KLHL6: variants seen among roughly 807,000 people sequenced by gnomAD.
The protein encoded by KLHL6 is kelch-like protein 6.
Under a neutral mutation model 58.6 loss-of-function variants are expected in KLHL6, and 41 were observed. The observed-to-expected ratio is 0.70, with a 90% CI of 0.55 to 0.91. KLHL6 has a LOEUF of 0.91. KLHL6 is among the 40% of genes least tolerant of loss of function. KLHL6 has a pLI of 0.00. For synonymous variants in KLHL6, 338 were observed against 322.7 expected, an observed-to-expected ratio of 1.05 and a Z score of -0.51; for missense variants, 714 against 805.6, an observed-to-expected ratio of 0.89 and a Z score of 1.38.
intron 1 of KLHL6, among the ~76,000 whole-genome samples, chr3:183,554,608 A>G (rs917225270): frequency 2.6e-5 from 4 of 152,216 alleles, no homozygotes; most frequent in Admixed American, 2.0e-4. Context: ...CTGCCTACAC[A>G]TAAAGAAGCC....
chr3:183,499,318 C>A lies in KLHL6; in HGVS notation c.1147+272G>T, dbSNP rs1278066171. Among the ~76,000 whole-genome samples, 1 of 151,720 alleles carries A rather than the reference C, an allele frequency of 6.6e-6. No individual in the cohort carries two copies. Among genetic ancestry groups the A allele is most frequent in the African/African-American group, 2.4e-5 (1 of 41,298 alleles). On this transcript the variant is annotated intron_variant, in intron 4 of 6. Transcript: ENST00000341319. The surrounding 1 kb of genome is among the most constrained non-coding windows in gnomAD (Gnocchi z 4.6). The stretch of plus-strand genomic sequence containing the variant: ...CCAAGATTGCGCCACTGCACTCCAG[C>A]CTGAGCAACAGAGCGAGACGCTGTC...
intron 2 of KLHL6, among the ~76,000 whole-genome samples, chr3:183,509,158 T>G (rs1005690159): frequency 1.3e-5 from 2 of 152,220 alleles, no homozygotes; most frequent in Admixed American, 6.5e-5. Context: ...TAAGACACAT[T>G]GACCAATTGC....
intron 1 of KLHL6, among the ~76,000 whole-genome samples, chr3:183,541,407 A>T (rs991043032): frequency 1.3e-5 from 2 of 152,202 alleles, no homozygotes; most frequent in Non-Finnish European, 2.9e-5. Context: ...GGCTACACGC[A>T]GGAGTGCACA....
rs1053552233 is a variant in KLHL6 at position 183,490,250 on chromosome 3, G to A, written c.*1677C>T. The A allele has an allele frequency of 4.1e-4, 63 of 152,306 alleles. 1 individual carries two copies. The highest frequency in any genetic ancestry group is 6.8e-3 in the Middle Eastern group (2 of 292). 9.4% of individuals were successfully genotyped at this position (152,306 alleles called of 1,614,324 possible). A position where few individuals can be genotyped will look rare whatever the true frequency, so the allele number is the denominator to read the frequency against. On this transcript the variant is annotated 3_prime_UTR_variant, in exon 7 of 7. Coordinates refer to ENST00000341319, the MANE Select transcript of KLHL6 (RefSeq NM_130446.4). ...TGAAAACGAAGGCTTCAGGAGGATG[G>A]GGTATCAGGAACGTGGACCTAAATC...
intron 2 of KLHL6, among the ~76,000 whole-genome samples, chr3:183,519,895 CAAAAAAAAA>C (rs56101517): frequency 2.0e-3 from 169 of 83,260 alleles, no homozygotes; most frequent in Middle Eastern, 0.016. Flanking sequence ...AACCCTGTCT[CAAAAAAAAA>C]AAAAAAAAAA....
intron 2 of KLHL6, among the ~76,000 whole-genome samples, chr3:183,524,057 G>A (rs919129358): frequency 2.6e-5 from 4 of 152,138 alleles, no homozygotes; most frequent in African/African-American, 9.6e-5. Flanking sequence ...CACTGTGCCC[G>A]GCCTCATGAG....
At chr3:183,509,814 G>T (rs1278547328) in intron 2 of KLHL6, among the ~76,000 whole-genome samples, 1 of 152,136 alleles carries the variant, frequency 6.6e-6, no homozygotes. Context: ...ACAGAAACAG[G>T]TCTCATGGGA....
intron 3 of KLHL6, among the ~76,000 whole-genome samples, chr3:183,505,057 G>A (rs748950661): frequency 9.2e-5 from 14 of 152,198 alleles, no homozygotes; most frequent in Non-Finnish European, 1.6e-4. Context: ...CTATGGCTGT[G>A]TAGTATTCCA....
intron 2 of KLHL6, among the ~76,000 whole-genome samples, chr3:183,526,912 A>G (rs181394712): frequency 1.3e-5 from 2 of 152,266 alleles, no homozygotes; most frequent in Admixed American, 1.3e-4. Context: ...CAACCTGGCC[A>G]ATATGGTAAA....
chr3:183,495,502 CA>C (rs962816397), intron 4 of KLHL6, among the ~76,000 whole-genome samples: 2 of 147,856 alleles, frequency 1.4e-5, no homozygotes, highest in African/African-American at 5.0e-5. Flanking sequence ...TAGGTAGCAT[CA>C]AAAAGTATAA....
chr3:183,524,859 A>G (rs1472331353), intron 2 of KLHL6, among the ~76,000 whole-genome samples: 1 of 152,222 alleles, frequency 6.6e-6, no homozygotes, highest in Admixed American at 6.5e-5. Flanking sequence ...TTGTAAAAGG[A>G]CCAGATAAAA....
At position 183,491,614 on chromosome 3, in the gene KLHL6, G is replaced by A. The variant is rs1238762437; in HGVS notation, c.*313C>T. 7.1e-5 allele frequency: 19 copies of A among 267,438 alleles called. No homozygotes were observed. In the East Asian group the frequency reaches 1.3e-3, roughly 18 times the overall value. The allele number at this position is 267,438 out of a possible 1,614,324, so 16.6% of individuals were successfully genotyped here. ...CACCTGTAAACTAGAAGTGATAAGA[G>A]CCAGTCACCAGGTTAAATGAACCGA... On this transcript the variant is annotated 3_prime_UTR_variant, in exon 7 of 7. Coordinates refer to ENST00000341319, the MANE Select transcript of KLHL6 (RefSeq NM_130446.4).
chr3:183,546,244 A>G (rs1424236579), intron 1 of KLHL6, among the ~76,000 whole-genome samples: 2 of 152,212 alleles, frequency 1.3e-5, no homozygotes, highest in Non-Finnish European at 2.9e-5. Context: ...CCTATGTGAC[A>G]AGGGTCACGG....
intron 3 of KLHL6, among the ~76,000 whole-genome samples, chr3:183,501,921 A>G (rs1042026387): frequency 7.9e-5 from 12 of 152,174 alleles, no homozygotes; most frequent in African/African-American, 2.9e-4. Context: ...TGGCAGGAAC[A>G]GCCCTTTTTC....
chr3:183,543,990 C>T (rs555050557), intron 1 of KLHL6, among the ~76,000 whole-genome samples: 6 of 152,008 alleles, frequency 3.9e-5, no homozygotes, highest in African/African-American at 1.4e-4. Flanking sequence ...ATGGTGAAAC[C>T]CCATCTCTAC....
intron 1 of KLHL6, among the ~76,000 whole-genome samples, chr3:183,542,339 A>C (rs562727268): frequency 6.6e-6 from 1 of 151,834 alleles, no homozygotes; most frequent in East Asian, 1.9e-4. Flanking sequence ...CACCCAACAA[A>C]ACCTTTCCCG....
chr3:183,539,162 A>T lies in KLHL6; in HGVS notation c.294-11152T>A, dbSNP rs1224447996. Among the ~76,000 whole-genome samples, 74 of 152,224 alleles carry T rather than the reference A, an allele frequency of 4.9e-4. 1 individual carries two copies. The highest frequency in any genetic ancestry group is 4.8e-3 in the Admixed American group (73 of 15,284). ...TACTTCCTCCTGAGAAGGAGACTGA[A>T]TGAAGATCAAGGTCATGGAAACAAT... On this transcript the variant is annotated intron_variant, in intron 1 of 6. Transcript: ENST00000341319.
chr3:183,514,660 T>A (rs552098284), intron 2 of KLHL6, among the ~76,000 whole-genome samples: 113 of 151,982 alleles, frequency 7.4e-4, no homozygotes, highest in African/African-American at 2.7e-3. Flanking sequence ...TTTCTTTTTT[T>A]AAATTTAATT....
At chr3:183,544,163 C>CAAAAAAAAA (rs56357226) in intron 1 of KLHL6, among the ~76,000 whole-genome samples, 2 of 56,992 alleles carry the variant, frequency 3.5e-5, no homozygotes, top group Non-Finnish European at 6.9e-5. Flanking sequence ...AACTCAGTCT[C>CAAAAAAAAA]AAAAAAAAAA....
Sources: gnomAD v4.1 joint callset for allele counts (sites outside exome capture counted in the v4.1 genomes callset) on GRCh38, gnomAD v4.1.1 for gene constraint, Gnocchi (gnomAD v3.1) non-coding constraint, MANE v1.5 for transcripts, NCBI Gene and HGNC (gene_info 2026-07-23, HGNC 2026-07-21) for gene names.